Variants in MTIF2 observed in about 807,000 individuals in gnomAD.
MTIF2 encodes mitochondrial translational initiation factor 2, also known as translation initiation factor IF-2, mitochondrial.
MTIF2 carries 71 observed loss-of-function variants against 83.5 expected under a neutral mutation model. The ratio of observed to expected loss-of-function variants is 0.85; its 90% CI spans 0.70 to 1.04. The LOEUF is 1.04. Ranked by LOEUF, MTIF2 falls within the 50% of genes least tolerant of loss-of-function variation. The probability of loss-of-function intolerance (pLI) is 0.00; values close to 1 mark genes in which losing one functional copy is unlikely to be tolerated. For missense variants in MTIF2, 957 were observed against 846.5 expected (o/e 1.13, Z -1.62); for synonymous variants, 319 against 287.1 (o/e 1.11, Z -1.12).
At chr2:55,257,192 GA>G (rs1317550981) in intron 5 of MTIF2, among the ~76,000 whole-genome samples, 3 of 152,010 alleles carry the variant, frequency 2.0e-5, no homozygotes, top group Non-Finnish European at 2.9e-5. Flanking sequence ...AGATATGAAA[GA>G]AGGCAGCCGG....
At chr2:55,268,170 T>C (rs1004010021) in intron 2 of MTIF2, among the ~76,000 whole-genome samples, 2 of 151,932 alleles carry the variant, frequency 1.3e-5, no homozygotes, top group African/African-American at 4.8e-5. Flanking sequence ...GGAGAATCGC[T>C]TGAACCCAGG....
chr2:55,245,618 A>C (rs555991999), intron 10 of MTIF2, among the ~76,000 whole-genome samples: 1 of 152,294 alleles, frequency 6.6e-6, no homozygotes, highest in East Asian at 1.9e-4. Flanking sequence ...AAAGGTACAG[A>C]GTTTCAGTTT....
chr2:55,268,876 A>G (rs1313731142), intron 1 of MTIF2, 137 bp from the exon 2 acceptor site: 1 of 152,224 alleles, frequency 6.6e-6, no homozygotes, highest in African/African-American at 2.4e-5. Context: ...CTCGCCTCAA[A>G]TTGGAGCCCA....
At position 55,258,314 on chromosome 2, in the gene MTIF2, T is replaced by C. The variant is rs533448056; in HGVS notation, c.332-3489A>G. On this transcript the variant is annotated intron_variant, in intron 5 of 15. Transcript: ENST00000263629. The stretch of plus-strand genomic sequence containing the variant: ...CCAAGGAAACACATTTTAAGAATGA[T>C]ACAACTCAAATTTACTATGTGAATA... 2.0e-5 allele frequency among the ~76,000 whole-genome samples: 3 copies of C among 152,324 alleles called. No homozygotes were observed. The South Asian group carries it at 6.2e-4, about 32-fold the overall frequency.
At position 55,243,516 on chromosome 2, in the gene MTIF2, C is replaced by G. The variant is rs1288570269; in HGVS notation, c.1464G>C (p.Lys488Asn). ...REKYGHLLWK[K>N]RSILRFLERK... ...TTTCTAAAAACCGTAGAATTGATCT[C>G]TTCTTCCACAGTAGATGGCCATACT... The change falls in exon 12 of 16, where the codon AAG (lysine) becomes AAC (asparagine). Residue 488 changes from lysine (K) to asparagine (N), a missense_variant. Physicochemically the swap from Lys to Asn is moderately conservative, Grantham distance 94. Transcript: ENST00000263629. 11 of 1,613,926 alleles carry G rather than the reference C, an allele frequency of 6.8e-6. No individual in the cohort carries two copies. In the South Asian group the frequency reaches 1.2e-4, roughly 18 times the overall value.
intron 5 of MTIF2, among the ~76,000 whole-genome samples, chr2:55,260,771 T>C (rs187066270): frequency 1.7e-4 from 26 of 152,258 alleles, no homozygotes; most frequent in African/African-American, 6.0e-4. Context: ...TATTAATTCT[T>C]TTTTTCCCCA....
Position 55,249,455 on chromosome 2 carries a change from G to A in MTIF2, c.921C>T (p.Tyr307=), listed in dbSNP as rs2576709. 0.041 allele frequency: 66,574 copies of A among 1,614,004 alleles called. 1,610 individuals are homozygous for A. The highest frequency in any genetic ancestry group is 0.049 in the Non-Finnish European group (57,766 of 1,179,952). Residue 307 remains tyrosine (Y), a synonymous_variant, in exon 9 of 16, where the codon TAC becomes TAT. Coordinates refer to ENST00000263629, the MANE Select transcript of MTIF2 (RefSeq NM_002453.3). Reference sequence around the variant, plus strand: ...CTCCATAATCTTCACATACCACATCGTAAGCCAGCAGCTCTTTTTTCACTT... The same window carrying A: ...CTCCATAATCTTCACATACCACATCATAAGCCAGCAGCTCTTTTTTCACTT... The part of the protein sequence containing the change: ...PEKVKKELLA[Y]DVVCEDYGGD...
chr2:55,254,135 A>T lies in MTIF2; in HGVS notation c.570T>A (p.Asp190Glu). 1 of 1,614,144 alleles carries T rather than the reference A, an allele frequency of 6.2e-7. No individual in the cohort carries two copies. Among genetic ancestry groups the T allele is most frequent in the Non-Finnish European group, 8.5e-7 (1 of 1,180,016 alleles). Reference protein sequence around the residue: ...SPVVTIMGHVDHGKTTLLDKF... With the variant: ...SPVVTIMGHVEHGKTTLLDKF... ...TGTCAAGTAATGTCGTTTTCCCGTG[A>T]TCAACATGGCCCATTATAGTAACAA... Residue 190 changes from aspartate (D) to glutamate (E), a missense_variant, in exon 7 of 16, where the codon GAT (aspartate) becomes GAA (glutamate). Around this residue, in one of 3 missense-constraint regions of MTIF2, gnomAD observed 733 missense variants for 648.7 expected, o/e 1.13. Transcript: ENST00000263629.
Position 55,262,313 on chromosome 2 carries a change from C to G in MTIF2, c.331+3G>C. 6.3e-7 allele frequency: 1 copy of G among 1,596,770 alleles called. No individual in the cohort carries two copies. Among genetic ancestry groups the G allele is most frequent in the Non-Finnish European group, 8.6e-7 (1 of 1,165,476 alleles). On this transcript the variant is annotated splice_donor_region_variant and intron_variant, in intron 5 of 15. Coordinates refer to ENST00000263629, the MANE Select transcript of MTIF2 (RefSeq NM_002453.3). Reference sequence around the variant, plus strand: ...TTTTGCTTTGTAAAAATATCTGACTCACCTGTGTTTTTTTCCATTGCCCTG... The same window carrying G: ...TTTTGCTTTGTAAAAATATCTGACTGACCTGTGTTTTTTTCCATTGCCCTG...
chr2:55,255,480 T>C (rs1677444842), intron 5 of MTIF2, among the ~76,000 whole-genome samples: 1 of 147,188 alleles, frequency 6.8e-6, no homozygotes, highest in African/African-American at 2.5e-5. Context: ...AAAATATTTA[T>C]ATATAAATAC....
chr2:55,252,397 G>A lies in MTIF2; in HGVS notation c.841+80C>T, dbSNP rs1171816871. On this transcript the variant is annotated intron_variant, in intron 8 of 15. Coordinates refer to ENST00000263629, the MANE Select transcript of MTIF2 (RefSeq NM_002453.3). ...CGTATAATAACTCTGGGATTGTTGT[G>A]AAGACTAAATGAGCTATATGTAAAT... The A allele has an allele frequency of 2.4e-6, 3 of 1,230,952 alleles. No homozygotes were observed. The African/African-American group carries it at 4.5e-5, about 19-fold the overall frequency. 76.3% of individuals were successfully genotyped at this position (1,230,952 alleles called of 1,614,324 possible).
At chr2:55,266,581 A>G (rs1342879437) in intron 3 of MTIF2, 1 of 149,100 alleles carries the variant, frequency 6.7e-6, no homozygotes, top group African/African-American at 2.4e-5. Flanking sequence ...CATTTCTACA[A>G]TATGCTTATA....
chr2:55,246,082 A>C (rs1676676402), intron 10 of MTIF2, among the ~76,000 whole-genome samples: 1 of 152,200 alleles, frequency 6.6e-6, no homozygotes, highest in South Asian at 2.1e-4. Flanking sequence ...AAAAAAAATA[A>C]AACAAATTGA....
intron 15 of MTIF2, 148 bp downstream of exon 15, chr2:55,237,140 T>C (rs1303477061): frequency 1.1e-6 from 1 of 935,656 alleles, no homozygotes; most frequent in Non-Finnish European, 1.6e-6. Context: ...ACCCATCAAC[T>C]ACAGACAATT....
Position 55,243,510 on chromosome 2 carries a change from T to G in MTIF2, c.1470A>C (p.Ser490=). 1 of 1,614,120 alleles carries G rather than the reference T, an allele frequency of 6.2e-7. No individual in the cohort carries two copies. Among genetic ancestry groups the G allele is most frequent in the Non-Finnish European group, 8.5e-7 (1 of 1,179,996 alleles). ...CTTTTCTTTCTAAAAACCGTAGAAT[T>G]GATCTCTTCTTCCACAGTAGATGGC... The part of the protein sequence containing the change: ...KYGHLLWKKR[S]ILRFLERKEQ... Residue 490 remains serine (S), a synonymous_variant, in exon 12 of 16, where the codon TCA becomes TCC. Transcript: ENST00000263629.
chr2:55,243,546 A>C lies in MTIF2; in HGVS notation c.1434T>G (p.Arg478=). The C allele has an allele frequency of 6.2e-7, 1 of 1,614,108 alleles. No individual in the cohort carries two copies. The highest frequency in any genetic ancestry group is 8.5e-7 in the Non-Finnish European group (1 of 1,180,002). The change falls in exon 12 of 16, where the codon CGT becomes CGG. Residue 478 remains arginine (R), a synonymous_variant. Transcript: ENST00000263629. Reference sequence around the variant, plus strand: ...TCCACAGTAGATGGCCATACTTCTCACGGGCTTTCTGATGTGCTTCTTTGT... The same window carrying C: ...TCCACAGTAGATGGCCATACTTCTCCCGGGCTTTCTGATGTGCTTCTTTGT... ...KEHKEAHQKA[R]EKYGHLLWKK...
At chr2:55,239,938 AGCTTT>A (rs1273177843) in intron 14 of MTIF2, 68 bp downstream of exon 14, 6 of 1,338,102 alleles carry the variant, frequency 4.5e-6, no homozygotes, top group African/African-American at 1.5e-5. Context: ...GTTTCCTCTA[AGCTTT>A]GCTTTGAAGT....
Position 55,252,585 on chromosome 2 carries a change from T to C in MTIF2, c.733A>G (p.Arg245Gly). Residue 245 changes from arginine to glycine, a missense_variant, in exon 8 of 16, where the codon AGA becomes GGA. This residue lies in a region of MTIF2 where 733 missense variants were observed against 648.7 expected (regional missense o/e 1.13). Coordinates refer to ENST00000263629, the MANE Select transcript of MTIF2 (RefSeq NM_002453.3). ...TCAGTGACCTGAGCACCTCTGGCTC[T>C]CATTGCTGAGAAAGCAGCATGTCCT... ...TPGHAAFSAM[R>G]ARGAQVTDIV... 6.2e-7 allele frequency: 1 copy of C among 1,614,170 alleles called. No homozygotes were observed. Among genetic ancestry groups the C allele is most frequent in the East Asian group, 2.2e-5 (1 of 44,876 alleles).
chr2:55,243,707 AT>A (rs1398568479), intron 11 of MTIF2, 39 bp from the exon 12 acceptor site: 3 of 1,592,722 alleles, frequency 1.9e-6, no homozygotes, highest in Non-Finnish European at 1.7e-6. Flanking sequence ...TGAAATAGAC[AT>A]CAATAACTGC....
Sources: gnomAD v4.1 joint callset for allele counts (sites outside exome capture counted in the v4.1 genomes callset) on GRCh38, gnomAD v4.1.1 for gene constraint, gnomAD v4.1.1 regional missense constraint, MANE v1.5 for transcripts, NCBI Gene and HGNC (gene_info 2026-07-23, HGNC 2026-07-21) for gene names.